The following BTRC variants were observed in gnomAD, a reference collection of about 807,000 sequenced individuals.
BTRC encodes the protein beta-transducin repeat containing E3 ubiquitin protein ligase, also known as F-box/WD repeat-containing protein 1A.
BTRC carries 42 observed loss-of-function variants against 85.5 expected under a neutral mutation model. That is an observed-to-expected ratio of 0.49 (90% CI 0.38 to 0.64). BTRC has a LOEUF of 0.64. Among genes scored for constraint, BTRC ranks in the 30% least tolerant of loss-of-function variants. BTRC has a pLI of 0.00. For synonymous variants in BTRC, 255 were observed against 263.3 expected (o/e 0.97, Z 0.30); for missense variants, 594 against 743.5 (o/e 0.80, Z 2.34).
chr10:101,384,009 T>G (rs567489913), intron 1 of BTRC, among the ~76,000 whole-genome samples: 1 of 152,314 alleles, frequency 6.6e-6, no homozygotes, highest in East Asian at 1.9e-4. Context: ...TGTATCACCA[T>G]GCCCTGTCTA....
intron 1 of BTRC, among the ~76,000 whole-genome samples, chr10:101,409,815 A>G (rs941560969): frequency 1.3e-5 from 2 of 152,222 alleles, no homozygotes; most frequent in African/African-American, 4.8e-5. Flanking sequence ...TTATTCGTTG[A>G]TAAGTATTTT....
chr10:101,432,494 T>A, intron 2 of BTRC, among the ~76,000 whole-genome samples: 1 of 152,116 alleles, frequency 6.6e-6, no homozygotes, highest in East Asian at 1.9e-4. Context: ...CATAGTCTAG[T>A]TTGTTGGTTT....
chr10:101,497,979 C>T (rs1255687921), intron 4 of BTRC, among the ~76,000 whole-genome samples: 1 of 152,088 alleles, frequency 6.6e-6, no homozygotes, highest in East Asian at 1.9e-4. Flanking sequence ...GTGATCGTTC[C>T]ACTGCACTCC....
intron 13 of BTRC, among the ~76,000 whole-genome samples, chr10:101,546,105 A>C (rs930983126): frequency 6.6e-6 from 1 of 152,236 alleles, no homozygotes; most frequent in African/African-American, 2.4e-5. Flanking sequence ...TGAATTTAGC[A>C]GTACCATCAA....
chr10:101,533,117 C>A, intron 9 of BTRC, 47 bp downstream of exon 9: 1 of 1,378,118 alleles, frequency 7.3e-7, no homozygotes, highest in Non-Finnish European at 1.0e-6. Context: ...ATCAGCTCTG[C>A]TCTGTTCTTT....
At chr10:101,372,630 C>T (rs954939335) in intron 1 of BTRC, among the ~76,000 whole-genome samples, 7 of 147,508 alleles carry the variant, frequency 4.7e-5, no homozygotes, top group African/African-American at 1.0e-4. Flanking sequence ...TTTGGGAGGC[C>T]GAGGCGGGCG....
intron 4 of BTRC, among the ~76,000 whole-genome samples, chr10:101,520,698 C>G (rs1285792012): frequency 6.6e-6 from 1 of 152,150 alleles, no homozygotes; most frequent in Non-Finnish European, 1.5e-5. Context: ...TGGCTCATGC[C>G]TGTAATCCCA....
At chr10:101,370,663 G>T (rs534802271) in intron 1 of BTRC, among the ~76,000 whole-genome samples, 1 of 123,088 alleles carries the variant, frequency 8.1e-6, no homozygotes, top group East Asian at 2.8e-4. Flanking sequence ...TTGACCTCCT[G>T]GGCTCAAGCG....
chr10:101,520,540 G>C (rs959797328), intron 4 of BTRC, among the ~76,000 whole-genome samples: 1 of 152,188 alleles, frequency 6.6e-6, no homozygotes, highest in African/African-American at 2.4e-5. Context: ...AATATTTTAT[G>C]TTATGGAAAA....
At chr10:101,455,983 A>AACACACACACACACAC (rs745628596) in intron 2 of BTRC, among the ~76,000 whole-genome samples, 8,784 of 95,924 alleles carry the variant, frequency 0.092, 733 homozygotes, top group East Asian at 0.15. Flanking sequence ...CTCTACTAAA[A>AACACACACACACACAC]ACACACACAC....
chr10:101,499,703 T>G (rs769519801), intron 4 of BTRC, among the ~76,000 whole-genome samples: 1 of 151,498 alleles, frequency 6.6e-6, no homozygotes, highest in Non-Finnish European at 1.5e-5. Flanking sequence ...TATTCTGATA[T>G]CAGCCCACTC....
intron 4 of BTRC, among the ~76,000 whole-genome samples, chr10:101,518,164 G>T (rs954838994): frequency 2.0e-5 from 3 of 151,848 alleles, no homozygotes; most frequent in African/African-American, 7.3e-5. Flanking sequence ...CGCCCGCCTC[G>T]GCCTCCCAAA....
chr10:101,418,237 G>A (rs922159213), intron 1 of BTRC, among the ~76,000 whole-genome samples: 15 of 151,956 alleles, frequency 9.9e-5, no homozygotes, highest in East Asian at 3.9e-4. Context: ...GTGTGGTGGC[G>A]GGTGCCTGTA....
intron 2 of BTRC, among the ~76,000 whole-genome samples, chr10:101,432,329 T>C (rs1284436579): frequency 6.6e-6 from 1 of 151,982 alleles, no homozygotes; most frequent in Non-Finnish European, 1.5e-5. Context: ...GGTTTCACCA[T>C]GTTGTCCAGG....
chr10:101,464,036 G>C (rs1018686210), intron 3 of BTRC, among the ~76,000 whole-genome samples: 1 of 151,952 alleles, frequency 6.6e-6, no homozygotes, highest in Non-Finnish European at 1.5e-5. Flanking sequence ...ATCAACACCT[G>C]ATCTGTTCAT....
At chr10:101,379,471 T>C (rs915143847) in intron 1 of BTRC, among the ~76,000 whole-genome samples, 5 of 152,218 alleles carry the variant, frequency 3.3e-5, no homozygotes, top group African/African-American at 1.2e-4. Context: ...GTCTTTAAAA[T>C]GTAGGTACAG....
chr10:101,507,498 TCTTA>T (rs2134315297), intron 4 of BTRC, among the ~76,000 whole-genome samples: 1 of 152,334 alleles, frequency 6.6e-6, no homozygotes, highest in South Asian at 2.1e-4. Context: ...GAAAGTTAAA[TCTTA>T]CTTGAGAGCT....
intron 1 of BTRC, among the ~76,000 whole-genome samples, chr10:101,418,866 C>G (rs1944020000): frequency 6.6e-6 from 1 of 152,066 alleles, no homozygotes; most frequent in African/African-American, 2.4e-5. Flanking sequence ...ACCCGCCCTC[C>G]TGGCAAACAA....
Position 101,526,212 on chromosome 10 carries a change from C to G in BTRC, c.743+13C>G, listed in dbSNP as rs1311842409. 9 of 1,612,376 alleles carry G rather than the reference C, an allele frequency of 5.6e-6. No homozygotes were observed. Among genetic ancestry groups the G allele is most frequent in the African/African-American group, 1.3e-5 (1 of 75,008 alleles). On this transcript the variant is annotated intron_variant, in intron 6 of 14. Transcript: ENST00000370187. ...AACGAAGAGGATGGTGAGCCTTTAA[C>G]TTTTCTTACTCTTATACGGCTTCAG...
Sources: allele counts gnomAD v4.1 joint callset (sites outside exome capture counted in the v4.1 genomes callset), GRCh38; gene constraint gnomAD v4.1.1; transcripts MANE v1.5; gene names NCBI Gene and HGNC (gene_info 2026-07-23, HGNC 2026-07-21).